Variants in SNX6 observed in about 807,000 individuals in gnomAD.
The protein encoded by SNX6 is sorting nexin 6.
In SNX6, 34 loss-of-function variants were observed where a neutral mutation model predicts 63.0. That is an observed-to-expected ratio of 0.54 (90% CI 0.41 to 0.72). The LOEUF is 0.72. Ranked by LOEUF, SNX6 falls within the 30% of genes least tolerant of loss-of-function variation. The pLI is 0.00. For missense variants in SNX6, 398 were observed against 471.4 expected (o/e 0.84, Z 1.44); for synonymous variants, 170 against 164.2 (o/e 1.04, Z -0.27).
intron 6 of SNX6, among the ~76,000 whole-genome samples, chr14:34,599,434 C>T (rs1240012040): frequency 1.4e-4 from 22 of 152,080 alleles, no homozygotes; most frequent in African/African-American, 5.3e-4. Context: ...TGGTGAAATC[C>T]TGTCTCTACT....
At position 34,564,217 on chromosome 14, in the gene SNX6, G is replaced by A. The variant is rs937777703; in HGVS notation, c.1168-1042C>T. On this transcript the variant is annotated intron_variant, in intron 13 of 13. Transcript: ENST00000362031. The stretch of plus-strand genomic sequence containing the variant: ...AATTTTTTGTATTTTTAGTAGAGAC[G>A]GGGTTACACTATGTTGGCCAGGCTG... Among the ~76,000 whole-genome samples the A allele has an allele frequency of 2.0e-5, 3 of 151,992 alleles. No homozygotes were observed. The East Asian group carries it at 5.8e-4, about 29-fold the overall frequency.
At chr14:34,606,126 A>G (rs981974618) in intron 4 of SNX6, among the ~76,000 whole-genome samples, 1 of 151,626 alleles carries the variant, frequency 6.6e-6, no homozygotes, top group African/African-American at 2.4e-5. Flanking sequence ...GTGAGCCAAA[A>G]TCGCACCGCT....
rs1882985190 is a variant in SNX6, at chr14:34,605,575, A to C, written c.392+21T>G. The C allele has an allele frequency of 2.0e-6, 3 of 1,526,554 alleles. No individual in the cohort carries two copies. The East Asian group carries it at 7.2e-5, about 37-fold the overall frequency. The allele number at this position is 1,526,554 out of a possible 1,614,324, so 94.6% of individuals were successfully genotyped here. Reference sequence around the variant, plus strand: ...AACAACAACCAAAAAAAAAAAACAAAAAAATAAAAAAATCACTTACGCTTC... The same window carrying C: ...AACAACAACCAAAAAAAAAAAACAACAAAATAAAAAAATCACTTACGCTTC... On this transcript the variant is annotated intron_variant, in intron 5 of 13. Transcript: ENST00000362031.
At chr14:34,575,913 G>C in intron 10 of SNX6, 71 bp from the exon 11 acceptor site, 3 of 893,256 alleles carry the variant, frequency 3.4e-6, no homozygotes, top group Non-Finnish European at 5.0e-6. Flanking sequence ...CCTTCTTTTT[G>C]TTGTTGTTGT....
At chr14:34,592,766 A>G (rs1882448850) in intron 8 of SNX6, among the ~76,000 whole-genome samples, 1 of 152,194 alleles carries the variant, frequency 6.6e-6, no homozygotes, top group South Asian at 2.1e-4. Flanking sequence ...CAATACAAAC[A>G]GGATCTTACT....
intron 6 of SNX6, among the ~76,000 whole-genome samples, chr14:34,600,528 T>TCCTGCCTCCTGC (rs1882770445): frequency 6.6e-6 from 1 of 151,810 alleles, no homozygotes; most frequent in South Asian, 2.1e-4. Context: ...TCCTCCTGCC[T>TCCTGCCTCCTGC]CAGGCTCCCA....
Position 34,576,592 on chromosome 14 carries a change from G to A in SNX6, c.835-750C>T, listed in dbSNP as rs112486801. Among the ~76,000 whole-genome samples the A allele has an allele frequency of 9.0e-3, 1,359 of 151,698 alleles. 15 individuals carry two copies. The highest frequency in any genetic ancestry group is 0.031 in the African/African-American group (1,276 of 41,402). ...GCCTCCCGAGTAGCTGGAATTACAG[G>A]CATGCACTGCCACGCCTGGCTAACT... is the stretch of plus-strand genomic sequence containing the variant. On this transcript the variant is annotated intron_variant, in intron 10 of 13. Transcript: ENST00000362031.
At chr14:34,600,290 T>A (rs11156850) in intron 6 of SNX6, among the ~76,000 whole-genome samples, 122,868 of 152,062 alleles carry the variant, frequency 0.81, 50,001 homozygotes, top group Non-Finnish European at 0.85. Flanking sequence ...ACGTCCAGCT[T>A]ATGTTTGCGT....
intron 4 of SNX6, 57 bp from the exon 5 acceptor site, chr14:34,605,774 A>G: frequency 6.4e-7 from 1 of 1,568,630 alleles, no homozygotes; most frequent in Non-Finnish European, 8.6e-7. Context: ...GAAGCATTGT[A>G]CTACTGCCAC....
chr14:34,563,974 G>A (rs1881052397), intron 13 of SNX6, among the ~76,000 whole-genome samples: 1 of 152,128 alleles, frequency 6.6e-6, no homozygotes, highest in Admixed American at 6.6e-5. Context: ...CCTGATCTCA[G>A]GTGATCCGCC....
At chr14:34,622,377 G>A (rs1308881180) in intron 2 of SNX6, among the ~76,000 whole-genome samples, 2 of 151,314 alleles carry the variant, frequency 1.3e-5, no homozygotes, top group East Asian at 2.0e-4. Flanking sequence ...TCAGGAGATC[G>A]AGACCTTCCT....
intron 2 of SNX6, among the ~76,000 whole-genome samples, chr14:34,612,088 TC>T (rs1883253571): frequency 6.6e-6 from 1 of 152,104 alleles, no homozygotes; most frequent in South Asian, 2.1e-4. Flanking sequence ...CTCCTTTTTT[TC>T]TTTAATCACA....
intron 11 of SNX6, among the ~76,000 whole-genome samples, chr14:34,575,263 C>T (rs35415402): frequency 0.38 from 55,792 of 146,632 alleles, 12,269 homozygotes; most frequent in East Asian, 0.74. Flanking sequence ...CAATGGCACG[C>T]GATCTCAGCT....
rs547193231 is a variant in SNX6, at chr14:34,628,616, G to A, written c.54+1291C>T. Among the ~76,000 whole-genome samples, 34 of 152,202 alleles carry A rather than the reference G, an allele frequency of 2.2e-4. No homozygotes were observed. The Middle Eastern group carries it at 0.01, about 46-fold the overall frequency. Reference sequence around the variant, plus strand: ...TGCACTCCAGCCTGGGCAACAAAGGGAGATACTGTCTCATAAAACCAAATA... The same window carrying A: ...TGCACTCCAGCCTGGGCAACAAAGGAAGATACTGTCTCATAAAACCAAATA... On this transcript the variant is annotated intron_variant, in intron 2 of 13. Transcript: ENST00000362031.
At chr14:34,578,634 GAAAAAA>G (rs1214360269) in intron 10 of SNX6, among the ~76,000 whole-genome samples, 1 of 97,022 alleles carries the variant, frequency 1.0e-5, no homozygotes, top group Non-Finnish European at 2.0e-5. Context: ...GTCTCAAAAA[GAAAAAA>G]AAAAAAAAAA....
At chr14:34,592,431 C>T (rs964273387) in intron 8 of SNX6, among the ~76,000 whole-genome samples, 1 of 152,108 alleles carries the variant, frequency 6.6e-6, no homozygotes, top group African/African-American at 2.4e-5. Context: ...AATATAGAGA[C>T]TACTCGTCCA....
intron 11 of SNX6, among the ~76,000 whole-genome samples, chr14:34,569,698 A>G (rs1051768085): frequency 3.3e-5 from 5 of 152,206 alleles, no homozygotes; most frequent in South Asian, 4.1e-4. Context: ...GCATGTTTCA[A>G]GTTCATCTAT....
intron 8 of SNX6, 146 bp from the exon 9 acceptor site, chr14:34,586,451 A>G: frequency 2.4e-6 from 1 of 421,578 alleles, no homozygotes; most frequent in South Asian, 2.9e-5. Flanking sequence ...TCATGCCTGT[A>G]ATCCCAACAC....
chr14:34,571,998 C>G (rs538876453), intron 11 of SNX6, among the ~76,000 whole-genome samples: 1 of 152,156 alleles, frequency 6.6e-6, no homozygotes, highest in Non-Finnish European at 1.5e-5. Context: ...GCTTTCATTT[C>G]TCTTGGGTAA....
Sources: gnomAD v4.1 joint callset for allele counts (sites outside exome capture counted in the v4.1 genomes callset) on GRCh38, gnomAD v4.1.1 for gene constraint, MANE v1.5 for transcripts, NCBI Gene and HGNC (gene_info 2026-07-23, HGNC 2026-07-21) for gene names.